Variants in HTRA3 observed in about 807,000 individuals in gnomAD.
HTRA3 encodes the protein serine protease HTRA3.
Under a neutral mutation model 43.2 loss-of-function variants are expected in HTRA3, and 41 were observed. The ratio of observed to expected loss-of-function variants is 0.95; its 90% CI spans 0.74 to 1.23. The LOEUF (loss-of-function observed/expected upper bound fraction) is 1.23, where lower values mean the gene tolerates loss of function less well. Ranked by LOEUF, HTRA3 falls within the 50% of genes most tolerant of loss-of-function variation. The pLI is 0.00. For missense variants in HTRA3, 628 were observed against 647.1 expected, an observed-to-expected ratio of 0.97 and a Z score of 0.32; for synonymous variants, 295 against 287.9, an observed-to-expected ratio of 1.02 and a Z score of -0.25.
In HTRA3 at chr4:8,306,236, G is replaced by A; in HGVS notation, c.*100G>A. On this transcript the variant is annotated 3_prime_UTR_variant, in exon 9 of 9. Coordinates refer to ENST00000307358, the MANE Select transcript of HTRA3 (RefSeq NM_053044.5). The surrounding 1 kb of genome is among the most constrained non-coding windows in gnomAD (Gnocchi z 8.9). ...AAGGACCACCGTCGGTCCTCAGCAG[G>A]GCGGCAGCCTCCTCCTGGCTGTCCG... 3.9e-6 allele frequency: 5 copies of A among 1,289,032 alleles called. No homozygotes were observed. The highest frequency in any genetic ancestry group is 2.8e-5 in the Admixed American group (1 of 35,382). 79.8% of individuals were successfully genotyped at this position (1,289,032 alleles called of 1,614,324 possible). A position where few individuals can be genotyped will look rare whatever the true frequency, so the allele number is the denominator to read the frequency against.
chr4:8,290,818 C>T (rs536552510), intron 3 of HTRA3, among the ~76,000 whole-genome samples: 2 of 152,138 alleles, frequency 1.3e-5, no homozygotes, highest in Non-Finnish European at 2.9e-5. Flanking sequence ...TCTCAGTGTG[C>T]GCGGCGTGGG....
At chr4:8,304,143 A>G (rs777561534) in intron 7 of HTRA3, 41 bp from the exon 8 acceptor site, 1 of 1,554,810 alleles carries the variant, frequency 6.4e-7, no homozygotes, top group South Asian at 1.1e-5. Flanking sequence ...AGAGCTGGGC[A>G]AAGGCTCAGG....
At chr4:8,274,031 G>A (rs1209015591) in intron 1 of HTRA3, among the ~76,000 whole-genome samples, 3 of 152,086 alleles carry the variant, frequency 2.0e-5, no homozygotes, top group South Asian at 2.1e-4. Context: ...CAGCAGCCAG[G>A]ATCACCTTGG....
At chr4:8,275,796 A>G (rs1261701497) in intron 1 of HTRA3, among the ~76,000 whole-genome samples, 2 of 152,220 alleles carry the variant, frequency 1.3e-5, no homozygotes, top group African/African-American at 2.4e-5. Flanking sequence ...CTGGTCCTGT[A>G]TGAGAAAGGG....
Position 8,302,508 on chromosome 4 carries a change from C to A in HTRA3, c.1097C>A (p.Pro366Gln), listed in dbSNP as rs763134592. ...GGCATACGGATGCGGACGATCACAC[C>A]AAGGTGAGTGTCTGAAGAGTGCCAT... The part of the protein sequence containing the change: ...FIGIRMRTIT[P>Q]SLVDELKASN... The change falls in exon 7 of 9, where the codon CCA becomes CAA. Residue 366 changes from proline to glutamine, a missense_variant. Transcript: ENST00000307358. 2 of 1,613,794 alleles carry A rather than the reference C, an allele frequency of 1.2e-6. No homozygotes were observed. Among genetic ancestry groups the A allele is most frequent in the Non-Finnish European group, 1.7e-6 (2 of 1,179,846 alleles).
At chr4:8,305,910 G>GGCCTGGGAAGGCTGT in intron 8 of HTRA3, 61 bp from the exon 9 acceptor site, 1 of 1,596,446 alleles carries the variant, frequency 6.3e-7, no homozygotes, top group Non-Finnish European at 8.6e-7. Flanking sequence ...CTCTGGGCCG[G>GGCCTGGGAAGGCTGT]GCCTGGGAAG....
rs1172021652 is a variant in HTRA3, at chr4:8,270,171, C to CGCCTT, written c.206_210dup (p.Gly71LeufsTer65). 6.5e-7 allele frequency: 1 copy of CGCCTT among 1,536,664 alleles called. No homozygotes were observed. Among genetic ancestry groups the CGCCTT allele is most frequent in the Non-Finnish European group, 8.7e-7 (1 of 1,155,206 alleles). On this transcript the variant is annotated frameshift_variant, in exon 1 of 9. Coordinates refer to ENST00000307358, the MANE Select transcript of HTRA3 (RefSeq NM_053044.5). LOFTEE classifies it high-confidence loss of function. ...GAGCCCTGTGGCGGCCCTCTGGACT[C>CGCCTT]GCCTTGCGGCGAGAGCCTGGAGTGC...
chr4:8,292,364 C>T lies in HTRA3; in HGVS notation c.936+11C>T. On this transcript the variant is annotated intron_variant, in intron 5 of 8. Coordinates refer to ENST00000307358, the MANE Select transcript of HTRA3 (RefSeq NM_053044.5). Reference sequence around the variant, plus strand: ...CCACTGGTGAACCTGGTAAGTGTCCCCTAGAGCCAAAATCTCTCAGGTTTC... The same window carrying T: ...CCACTGGTGAACCTGGTAAGTGTCCTCTAGAGCCAAAATCTCTCAGGTTTC... The T allele has an allele frequency of 6.2e-7, 1 of 1,611,838 alleles. No homozygotes were observed. The highest frequency in any genetic ancestry group is 8.5e-7 in the Non-Finnish European group (1 of 1,178,582).
At chr4:8,302,126 A>C (rs1191893334) in intron 6 of HTRA3, among the ~76,000 whole-genome samples, 1 of 152,160 alleles carries the variant, frequency 6.6e-6, no homozygotes, top group Non-Finnish European at 1.5e-5. Context: ...AGCAGTATGG[A>C]AGCCAGAAAG....
intron 1 of HTRA3, among the ~76,000 whole-genome samples, chr4:8,274,598 C>A (rs555473183): frequency 6.6e-5 from 10 of 152,350 alleles, no homozygotes; most frequent in African/African-American, 2.4e-4. Context: ...CTCACCACTT[C>A]TCAGGGGAAC....
rs142457324 is a variant in HTRA3 at position 8,286,717 on chromosome 4, C to T, written c.642C>T (p.Ser214=). Residue 214 remains serine, a synonymous_variant, in exon 3 of 9, where the codon TCC becomes TCT. Transcript: ENST00000307358. The surrounding 1 kb of genome is among the most constrained non-coding windows in gnomAD (Gnocchi z 4.9). ...AGGTGCAGCTACAGAATGGGGACTC[C>T]TATGAGGCCACCATCAAAGACATCG... ...QLKVQLQNGD[S]YEATIKDIDK... 142 of 1,614,164 alleles carry T rather than the reference C, an allele frequency of 8.8e-5. No individual in the cohort carries two copies. The African/African-American group carries it at 1.7e-3, about 20-fold the overall frequency.
chr4:8,297,294 A>T lies in HTRA3; in HGVS notation c.1051+3093A>T, dbSNP rs1022193286. On this transcript the variant is annotated intron_variant, in intron 6 of 8. Transcript: ENST00000307358. The surrounding 1 kb of genome is among the most constrained non-coding windows in gnomAD (Gnocchi z 5.8). The stretch of plus-strand genomic sequence containing the variant: ...AGGAGAAGAGGCTTCAGAGTCCCCT[A>T]TCCTGAGCACAGTGAGTCGTGCTTT... Among the ~76,000 whole-genome samples the T allele has an allele frequency of 8.6e-5, 13 of 152,034 alleles. No individual in the cohort carries two copies. Among genetic ancestry groups the T allele is most frequent in the African/African-American group, 3.1e-4 (13 of 41,482 alleles).
chr4:8,286,142 C>G lies in HTRA3; in HGVS notation c.486-419C>G, dbSNP rs548901346. On this transcript the variant is annotated intron_variant, in intron 2 of 8. Coordinates refer to ENST00000307358, the MANE Select transcript of HTRA3 (RefSeq NM_053044.5). This position sits in a 1 kb window ranked among gnomAD's most constrained non-coding sequence, Gnocchi z 4.9. ...CGGAGGAGGTGTTGTTGTCCCATTT[C>G]CCAAATGGGGAGACCAAGGCTCAGA... 7.9e-5 allele frequency among the ~76,000 whole-genome samples: 12 copies of G among 152,294 alleles called. No homozygotes were observed. Among genetic ancestry groups the G allele is most frequent in the African/African-American group, 2.6e-4 (11 of 41,554 alleles).
In HTRA3 at chr4:8,298,000, A is replaced by G. The variant is rs75442651; in HGVS notation, c.1051+3799A>G. ...TGCCTCATCCACTGTCAGCGAGTCCATTGGCCCAGGCTTCAGGATGCATCC... is the reference window on the plus strand; with the variant it reads ...TGCCTCATCCACTGTCAGCGAGTCCGTTGGCCCAGGCTTCAGGATGCATCC... On this transcript the variant is annotated intron_variant, in intron 6 of 8. Transcript: ENST00000307358. This position sits in a 1 kb window ranked among gnomAD's most constrained non-coding sequence, Gnocchi z 5.8. Among the ~76,000 whole-genome samples, 4,268 of 152,172 alleles carry G rather than the reference A, an allele frequency of 0.028. 154 individuals are homozygous for G. Among genetic ancestry groups the G allele is most frequent in the African/African-American group, 0.076 (3,171 of 41,500 alleles).
chr4:8,283,303 C>G (rs1048638697), intron 2 of HTRA3, among the ~76,000 whole-genome samples: 3 of 152,200 alleles, frequency 2.0e-5, no homozygotes, highest in Admixed American at 6.5e-5. Flanking sequence ...GCTTCACCCC[C>G]GAGCAAGGCC....
chr4:8,283,901 C>T (rs1213901024), intron 2 of HTRA3, among the ~76,000 whole-genome samples: 1 of 152,216 alleles, frequency 6.6e-6, no homozygotes, highest in Non-Finnish European at 1.5e-5. Flanking sequence ...GCACCGCCTC[C>T]CTGCTGGCTG....
At chr4:8,271,994 C>T (rs974872474) in intron 1 of HTRA3, among the ~76,000 whole-genome samples, 7 of 152,194 alleles carry the variant, frequency 4.6e-5, no homozygotes, top group African/African-American at 1.4e-4. Context: ...GACTCAACGC[C>T]TGCTGCACTG....
chr4:8,298,512 GAA>G (rs2153006912), intron 6 of HTRA3, among the ~76,000 whole-genome samples: 1 of 120,764 alleles, frequency 8.3e-6, no homozygotes, highest in East Asian at 3.1e-4. Flanking sequence ...AAATTTTGAT[GAA>G]GTCTGTTTTT....
intron 5 of HTRA3, among the ~76,000 whole-genome samples, chr4:8,293,558 G>A (rs767073144): frequency 5.3e-5 from 8 of 152,104 alleles, no homozygotes; most frequent in Non-Finnish European, 1.2e-4. Context: ...TGAGTGTGAG[G>A]TCCCCAGGGG....
Sources: gnomAD v4.1 joint callset for allele counts (sites outside exome capture counted in the v4.1 genomes callset) on GRCh38, gnomAD v4.1.1 for gene constraint, Gnocchi (gnomAD v3.1) non-coding constraint, MANE v1.5 for transcripts, NCBI Gene and HGNC (gene_info 2026-07-23, HGNC 2026-07-21) for gene names.